TSHZ2: variants seen among roughly 807,000 people sequenced by gnomAD.
TSHZ2 encodes teashirt homolog 2.
In TSHZ2, 21 loss-of-function variants were observed where a neutral mutation model predicts 74.4. The observed-to-expected ratio is 0.28, with a 90% CI of 0.20 to 0.41. The LOEUF (loss-of-function observed/expected upper bound fraction) is 0.41, where lower values mean the gene tolerates loss of function less well. TSHZ2 is among the 10% of genes least tolerant of loss of function. The pLI is 1.00. For missense variants in TSHZ2, 1,244 were observed against 1,293.5 expected, an observed-to-expected ratio of 0.96 and a Z score of 0.59; for synonymous variants, 540 against 515.3, an observed-to-expected ratio of 1.05 and a Z score of -0.65.
chr20:53,288,625 A>G (rs965815949), intron 2 of TSHZ2, among the ~76,000 whole-genome samples: 2 of 152,142 alleles, frequency 1.3e-5, no homozygotes, highest in East Asian at 3.8e-4. Context: ...CAGACACTGT[A>G]GTAGGTTCTG....
intron 1 of TSHZ2, among the ~76,000 whole-genome samples, chr20:53,173,109 C>A (rs1568794275): frequency 6.6e-6 from 1 of 152,162 alleles, no homozygotes. Flanking sequence ...ACTGTAGCTG[C>A]TACTATTAAA....
chr20:53,397,384 A>C lies in TSHZ2; in HGVS notation c.*9-89760A>C, dbSNP rs1982488516. Reference sequence around the variant, plus strand: ...ACAGACACATGAAAAAATGCTCATCATCACTGGCCATCAGAGAAATGCAAA... The same window carrying C: ...ACAGACACATGAAAAAATGCTCATCCTCACTGGCCATCAGAGAAATGCAAA... On this transcript the variant is annotated intron_variant, in intron 2 of 2. Transcript: ENST00000371497. Among the ~76,000 whole-genome samples, 3 of 152,376 alleles carry C rather than the reference A, an allele frequency of 2.0e-5. No individual in the cohort carries two copies. The South Asian group carries it at 6.2e-4, about 32-fold the overall frequency.
At chr20:53,065,566 C>T (rs1984954976) in intron 1 of TSHZ2, among the ~76,000 whole-genome samples, 1 of 152,200 alleles carries the variant, frequency 6.6e-6, no homozygotes, top group South Asian at 2.1e-4. Flanking sequence ...TGAATAGCAA[C>T]ACAGTCGGGA....
chr20:53,159,556 G>A (rs1050691490), intron 1 of TSHZ2, among the ~76,000 whole-genome samples: 6 of 151,834 alleles, frequency 4.0e-5, no homozygotes, highest in Non-Finnish European at 5.9e-5. Context: ...ATAGTTCATG[G>A]AACACACATA....
chr20:53,478,469 A>C (rs1413461879), intron 2 of TSHZ2, among the ~76,000 whole-genome samples: 1 of 138,550 alleles, frequency 7.2e-6, no homozygotes. Context: ...CAATGAGATC[A>C]CATGGACACA....
intron 1 of TSHZ2, among the ~76,000 whole-genome samples, chr20:53,092,492 G>A (rs187409110): frequency 1.8e-4 from 28 of 152,202 alleles, no homozygotes; most frequent in Admixed American, 1.6e-3. Context: ...TAACAAACAC[G>A]GCATTACTTG....
intron 1 of TSHZ2, among the ~76,000 whole-genome samples, chr20:53,035,674 G>A (rs1983791696): frequency 6.6e-6 from 1 of 152,152 alleles, no homozygotes; most frequent in Admixed American, 6.5e-5. Flanking sequence ...AGGAAAGGGA[G>A]GTAGATAACA....
At chr20:53,099,050 A>C (rs1404620993) in intron 1 of TSHZ2, among the ~76,000 whole-genome samples, 2 of 152,160 alleles carry the variant, frequency 1.3e-5, no homozygotes, top group Admixed American at 1.3e-4. Flanking sequence ...TTGTGGTCCT[A>C]CATATAATTC....
intron 1 of TSHZ2, among the ~76,000 whole-genome samples, chr20:52,976,237 G>T (rs144574310): frequency 2.6e-5 from 4 of 152,324 alleles, no homozygotes; most frequent in African/African-American, 9.6e-5. Context: ...CCCCTTCAGG[G>T]GGAAGGGATG....
intron 1 of TSHZ2, among the ~76,000 whole-genome samples, chr20:53,252,543 A>G (rs1990355513): frequency 6.6e-6 from 1 of 152,228 alleles, no homozygotes; most frequent in Non-Finnish European, 1.5e-5. Context: ...TTTGCCCATT[A>G]ATTCCCTTTG....
chr20:53,287,106 G>C (rs1230738093), intron 2 of TSHZ2, among the ~76,000 whole-genome samples: 1 of 152,154 alleles, frequency 6.6e-6, no homozygotes, highest in African/African-American at 2.4e-5. Context: ...ACCCAGTCTT[G>C]TCCTTCGTAG....
intron 1 of TSHZ2, among the ~76,000 whole-genome samples, chr20:53,058,617 G>A (rs1325541086): frequency 2.0e-5 from 3 of 152,186 alleles, no homozygotes; most frequent in Admixed American, 6.5e-5. Flanking sequence ...TCAAAAGACA[G>A]TAGGAGAAAA....
At chr20:53,036,313 C>A (rs1411212609) in intron 1 of TSHZ2, among the ~76,000 whole-genome samples, 3 of 152,052 alleles carry the variant, frequency 2.0e-5, no homozygotes, top group East Asian at 3.8e-4. Flanking sequence ...ACACTGTGAT[C>A]CGAATAAGCA....
At chr20:53,422,954 C>G (rs6097410) in intron 2 of TSHZ2, among the ~76,000 whole-genome samples, 1 of 152,114 alleles carries the variant, frequency 6.6e-6, no homozygotes, top group African/African-American at 2.4e-5. Context: ...AGGGCATTAC[C>G]TACTTAACTC....
intron 1 of TSHZ2, among the ~76,000 whole-genome samples, chr20:53,031,676 A>G (rs1983643836): frequency 1.3e-5 from 2 of 152,188 alleles, no homozygotes; most frequent in South Asian, 2.1e-4. Flanking sequence ...ATGATCCTCA[A>G]CAGCAGCAGA....
intron 1 of TSHZ2, among the ~76,000 whole-genome samples, chr20:53,046,656 A>C (rs1167235635): frequency 3.3e-5 from 5 of 151,968 alleles, no homozygotes; most frequent in Admixed American, 1.3e-4. Context: ...AAAACAAAAC[A>C]AAACCCTGGG....
intron 2 of TSHZ2, among the ~76,000 whole-genome samples, chr20:53,285,864 A>G (rs899633086): frequency 6.6e-6 from 1 of 152,250 alleles, no homozygotes; most frequent in African/African-American, 2.4e-5. Flanking sequence ...TGATTCATTC[A>G]TTCAACACAG....
chr20:53,094,530 G>T (rs1985980879), intron 1 of TSHZ2, among the ~76,000 whole-genome samples: 2 of 152,228 alleles, frequency 1.3e-5, no homozygotes, highest in South Asian at 2.1e-4. Flanking sequence ...ATCCTTTAGT[G>T]ACTACTTCAT....
chr20:53,268,983 C>T (rs946274665), intron 2 of TSHZ2, among the ~76,000 whole-genome samples: 2 of 152,018 alleles, frequency 1.3e-5, no homozygotes, highest in Admixed American at 6.5e-5. Context: ...TAATAATACT[C>T]ATCTTTCAGT....
Sources: allele counts gnomAD v4.1 joint callset (sites outside exome capture counted in the v4.1 genomes callset), GRCh38; gene constraint gnomAD v4.1.1; transcripts MANE v1.5; gene names NCBI Gene and HGNC (gene_info 2026-07-23, HGNC 2026-07-21).